Variants in TENM2 observed in about 807,000 individuals in gnomAD.
The protein encoded by TENM2 is teneurin transmembrane protein 2, also known as teneurin-2.
TENM2 carries 52 observed loss-of-function variants against 245.2 expected under a neutral mutation model. That is an observed-to-expected ratio of 0.21 (90% CI 0.17 to 0.27). The LOEUF (loss-of-function observed/expected upper bound fraction) is 0.27, where lower values mean the gene tolerates loss of function less well. Ranked by LOEUF, TENM2 falls within the 10% of genes least tolerant of loss-of-function variation. The pLI, the probability that TENM2 is intolerant of heterozygous loss-of-function variation, is 1.00. For synonymous variants in TENM2, 1,363 were observed against 1,438.9 expected (o/e 0.95, Z 1.19); for missense variants, 3,046 against 3,666.8 (o/e 0.83, Z 4.37).
intron 1 of TENM2, among the ~76,000 whole-genome samples, chr5:167,352,964 A>T (rs548057841): frequency 2.6e-5 from 4 of 152,354 alleles, no homozygotes; most frequent in Non-Finnish European, 4.4e-5. Context: ...ATGACTCATT[A>T]CGTCAATCAA....
intron 2 of TENM2, among the ~76,000 whole-genome samples, chr5:167,687,011 T>C (rs1204986311): frequency 6.6e-6 from 1 of 152,148 alleles, no homozygotes; most frequent in East Asian, 1.9e-4. Flanking sequence ...TCTCAAATCT[T>C]TAAAAACACA....
chr5:168,030,693 A>T (rs1302594432), intron 5 of TENM2, among the ~76,000 whole-genome samples: 1 of 152,198 alleles, frequency 6.6e-6, no homozygotes, highest in East Asian at 1.9e-4. Context: ...AAGGTTAGGA[A>T]ATGCTTGTTA....
the TENM2 span, among the ~76,000 whole-genome samples, chr5:167,224,174 G>A: frequency 1.1e-4 from 17 of 152,084 alleles, no homozygotes; most frequent in South Asian, 4.1e-4. Flanking sequence ...TTCTTTTGCC[G>A]TGCAGAAGCT....
chr5:167,846,915 A>G (rs1207866109), intron 2 of TENM2, among the ~76,000 whole-genome samples: 2 of 152,098 alleles, frequency 1.3e-5, no homozygotes, highest in Non-Finnish European at 2.9e-5. Context: ...GCATCAGAGA[A>G]TCTTCCTTTT....
chr5:167,592,007 G>A (rs544827983), intron 2 of TENM2, among the ~76,000 whole-genome samples: 2 of 152,216 alleles, frequency 1.3e-5, no homozygotes, highest in Non-Finnish European at 2.9e-5. Flanking sequence ...AAGTGATACA[G>A]CATTTGCCAG....
At chr5:168,248,161 G>A (rs1287224388) in exon 27 of TENM2, 1 of 1,613,984 alleles carries the variant, frequency 6.2e-7, no homozygotes, top group South Asian at 1.1e-5. Context: ...CTTCCAGATG[G>A]TCATTGGCTT....
chr5:167,093,574 G>C, the TENM2 span, among the ~76,000 whole-genome samples: 1 of 151,994 alleles, frequency 6.6e-6, no homozygotes, highest in African/African-American at 2.4e-5. Flanking sequence ...CTAGTTTTAA[G>C]GTTTCCGAAT....
At chr5:167,474,237 A>T (rs190529723) in intron 2 of TENM2, among the ~76,000 whole-genome samples, 1 of 152,292 alleles carries the variant, frequency 6.6e-6, no homozygotes. Flanking sequence ...ACTATATCAT[A>T]TATTTGCTCA....
At chr5:167,552,556 G>T (rs1773019356) in intron 2 of TENM2, among the ~76,000 whole-genome samples, 1 of 152,154 alleles carries the variant, frequency 6.6e-6, no homozygotes, top group Non-Finnish European at 1.5e-5. Flanking sequence ...AAGGGATTAT[G>T]TTAGCATTGT....
intron 2 of TENM2, among the ~76,000 whole-genome samples, chr5:167,408,959 TAC>T (rs886711307): frequency 5.5e-5 from 8 of 145,104 alleles, no homozygotes; most frequent in African/African-American, 2.2e-4. Context: ...TATATATATA[TAC>T]ACACACACAC....
intron 1 of TENM2, chr5:167,297,610 A>G (rs1260748980): frequency 1.3e-5 from 2 of 152,212 alleles, no homozygotes; most frequent in African/African-American, 4.8e-5. Flanking sequence ...GTAGGGAAAG[A>G]TTCTGTTAAA....
intron 12 of TENM2, among the ~76,000 whole-genome samples, chr5:168,148,873 T>TGATA (rs752440206): frequency 0.21 from 30,487 of 143,838 alleles, 3,584 homozygotes; most frequent in East Asian, 0.49. Flanking sequence ...TAAATATATA[T>TGATA]GATAGATAGA....
chr5:168,145,006 T>C (rs71589835), intron 12 of TENM2, among the ~76,000 whole-genome samples: 30,808 of 149,732 alleles, frequency 0.21, 3,810 homozygotes, highest in East Asian at 0.32. Context: ...TCATGTCCTT[T>C]GCCCACTTTT....
intron 7 of TENM2, among the ~76,000 whole-genome samples, chr5:168,065,098 T>C (rs1230407633): frequency 6.6e-6 from 1 of 152,124 alleles, no homozygotes; most frequent in Non-Finnish European, 1.5e-5. Context: ...AGGTGACTCA[T>C]TTGAGCTGGA....
At chr5:167,838,706 A>G (rs1769223601) in intron 2 of TENM2, among the ~76,000 whole-genome samples, 1 of 152,164 alleles carries the variant, frequency 6.6e-6, no homozygotes, top group African/African-American at 2.4e-5. Context: ...ACTTTGATCA[A>G]GCTCGGTTTT....
chr5:167,609,292 C>T lies in TENM2; in HGVS notation c.502+233819C>T, dbSNP rs572175321. 1.8e-3 allele frequency among the ~76,000 whole-genome samples: 267 copies of T among 152,046 alleles called. 2 individuals carry two copies. The highest frequency in any genetic ancestry group is 6.2e-3 in the African/African-American group (256 of 41,472). ...AGTAGAGTCGCATTTCTTGCCTATG[C>T]CTGTTGACTCAAGTCCACAATATCA... is the stretch of plus-strand genomic sequence containing the variant. On this transcript the variant is annotated intron_variant, in intron 2 of 28. Transcript: ENST00000518659.
chr5:166,990,334 C>T, the TENM2 span, among the ~76,000 whole-genome samples: 371 of 152,180 alleles, frequency 2.4e-3, 1 homozygote, highest in African/African-American at 8.4e-3. Flanking sequence ...TCACTGTCTC[C>T]CACGGATTTT....
chr5:167,070,987 A>G, the TENM2 span, among the ~76,000 whole-genome samples: 1 of 152,186 alleles, frequency 6.6e-6, no homozygotes, highest in African/African-American at 2.4e-5. Flanking sequence ...TTGGTGATCT[A>G]GCTGAGACAA....
At chr5:168,080,913 T>C (rs991004048) in intron 7 of TENM2, among the ~76,000 whole-genome samples, 4 of 152,188 alleles carry the variant, frequency 2.6e-5, no homozygotes, top group African/African-American at 9.6e-5. Context: ...TTTTGTTGAT[T>C]TGGGATGGAG....
Sources: gnomAD v4.1 joint callset for allele counts (sites outside exome capture counted in the v4.1 genomes callset) on GRCh38, gnomAD v4.1.1 for gene constraint, MANE v1.5 for transcripts, NCBI Gene and HGNC (gene_info 2026-07-23, HGNC 2026-07-21) for gene names.